The following CDYL2 variants were observed in gnomAD, a reference collection of about 807,000 sequenced individuals.
The protein encoded by CDYL2 is chromodomain Y like 2, also known as chromodomain Y-like protein 2.
Under a neutral mutation model 49.4 loss-of-function variants are expected in CDYL2, and 23 were observed. The ratio of observed to expected loss-of-function variants is 0.47; its 90% confidence interval spans 0.34 to 0.66. The LOEUF (loss-of-function observed/expected upper bound fraction) is 0.66. Ranked by LOEUF, CDYL2 falls within the 30% of genes least tolerant of loss-of-function variation. The pLI is 0.01. For missense variants in CDYL2, 678 were observed against 656.4 expected, an observed-to-expected ratio of 1.03 and a Z score of -0.36; for synonymous variants, 360 against 268.8, an observed-to-expected ratio of 1.34 and a Z score of -3.32.
intron 1 of CDYL2, among the ~76,000 whole-genome samples, chr16:80,685,475 C>G (rs111665860): frequency 6.6e-5 from 10 of 152,296 alleles, no homozygotes; most frequent in African/African-American, 2.2e-4. Flanking sequence ...TTCATTGCAC[C>G]AAAGTAGATG....
chr16:80,754,282 C>T (rs896178655), intron 1 of CDYL2, among the ~76,000 whole-genome samples: 4 of 152,148 alleles, frequency 2.6e-5, no homozygotes, highest in Admixed American at 6.6e-5. Context: ...AGAGGAGCTA[C>T]AACCAACAGG....
At chr16:80,671,028 T>C (rs1909481142) in intron 2 of CDYL2, 2 of 455,652 alleles carry the variant, frequency 4.4e-6, no homozygotes, top group South Asian at 3.1e-5. Flanking sequence ...TCTAGGGTTG[T>C]GACTTTCCTC....
intron 2 of CDYL2, among the ~76,000 whole-genome samples, chr16:80,671,264 G>C (rs377161327): frequency 6.6e-6 from 1 of 152,226 alleles, no homozygotes; most frequent in African/African-American, 2.4e-5. Context: ...GTGGTACAGA[G>C]TTACGGACAA....
At chr16:80,761,566 A>G (rs1408051353) in intron 1 of CDYL2, among the ~76,000 whole-genome samples, 1 of 152,116 alleles carries the variant, frequency 6.6e-6, no homozygotes, top group Non-Finnish European at 1.5e-5. Context: ...GTAGATCAGA[A>G]TCACCTGCGG....
At chr16:80,660,299 T>A (rs964130339) in intron 2 of CDYL2, among the ~76,000 whole-genome samples, 8 of 152,052 alleles carry the variant, frequency 5.3e-5, no homozygotes, top group African/African-American at 2.4e-5. Flanking sequence ...TGGTGTTTAA[T>A]AATGTTGGGT....
At chr16:80,673,565 T>C (rs1478957872) in intron 2 of CDYL2, among the ~76,000 whole-genome samples, 1 of 152,202 alleles carries the variant, frequency 6.6e-6, no homozygotes, top group African/African-American at 2.4e-5. Flanking sequence ...TTAAATGAAA[T>C]AATTTTAATA....
rs9927307 is a variant in CDYL2, at chr16:80,745,967, C to T, written c.24+58183G>A. The stretch of plus-strand genomic sequence containing the variant: ...AGCCCTGTGACTGTCAGGATACCCC[C>T]TCCTGCTATCAATCAGCAAGGCTGC... On this transcript the variant is annotated intron_variant, in intron 1 of 6. Coordinates refer to ENST00000570137, the MANE Select transcript of CDYL2 (RefSeq NM_152342.4). Among the ~76,000 whole-genome samples, 1,213 of 152,332 alleles carry T rather than the reference C, an allele frequency of 8.0e-3. 17 individuals are homozygous for T. Among genetic ancestry groups the T allele is most frequent in the African/African-American group, 0.027 (1,129 of 41,574 alleles).
chr16:80,651,103 A>G (rs1308233917), intron 2 of CDYL2, among the ~76,000 whole-genome samples: 1 of 152,180 alleles, frequency 6.6e-6, no homozygotes, highest in Non-Finnish European at 1.5e-5. Context: ...TAACTAAAAG[A>G]GTGTAACTGG....
intron 1 of CDYL2, among the ~76,000 whole-genome samples, chr16:80,722,193 T>C (rs1186570404): frequency 4.6e-5 from 7 of 151,858 alleles, no homozygotes. Flanking sequence ...TAAATACTGA[T>C]TTAAAAAAAA....
intron 2 of CDYL2, among the ~76,000 whole-genome samples, chr16:80,660,660 C>G (rs892238906): frequency 6.6e-6 from 1 of 152,102 alleles, no homozygotes; most frequent in Non-Finnish European, 1.5e-5. Flanking sequence ...ACATATTAAA[C>G]TCATATTAAA....
chr16:80,785,647 A>G (rs1414896849), intron 1 of CDYL2, among the ~76,000 whole-genome samples: 1 of 152,222 alleles, frequency 6.6e-6, no homozygotes, highest in Non-Finnish European at 1.5e-5. Flanking sequence ...AAGAGCCCGC[A>G]TAGCCAAGAC....
chr16:80,659,769 C>A (rs1908967260), intron 2 of CDYL2, among the ~76,000 whole-genome samples: 1 of 151,634 alleles, frequency 6.6e-6, no homozygotes, highest in South Asian at 2.1e-4. Flanking sequence ...ACATAAATAT[C>A]CTGCAGATAA....
At chr16:80,692,813 T>A (rs1286785595) in intron 1 of CDYL2, among the ~76,000 whole-genome samples, 1 of 152,212 alleles carries the variant, frequency 6.6e-6, no homozygotes, top group Non-Finnish European at 1.5e-5. Flanking sequence ...TAGAGTAACA[T>A]GTTTGTGTAT....
At chr16:80,645,269 C>T (rs1339723934) in intron 2 of CDYL2, among the ~76,000 whole-genome samples, 2 of 152,108 alleles carry the variant, frequency 1.3e-5, no homozygotes, top group Non-Finnish European at 2.9e-5. Context: ...CCAGAATCTA[C>T]AAAGAACTCA....
At chr16:80,691,554 T>C (rs569685529) in intron 1 of CDYL2, among the ~76,000 whole-genome samples, 9 of 152,306 alleles carry the variant, frequency 5.9e-5, no homozygotes, top group African/African-American at 1.9e-4. Context: ...TCCATATCCA[T>C]TCTGCTGGAA....
chr16:80,639,824 A>G (rs749158333), intron 2 of CDYL2: 161 of 428,082 alleles, frequency 3.8e-4, no homozygotes, highest in South Asian at 5.6e-4. Flanking sequence ...GAGTGTAGCA[A>G]TTGTGAGGCA....
chr16:80,734,920 G>T (rs1292755919), intron 1 of CDYL2, among the ~76,000 whole-genome samples: 1 of 152,178 alleles, frequency 6.6e-6, no homozygotes, highest in Non-Finnish European at 1.5e-5. Flanking sequence ...CTATGATGCT[G>T]TTGATGCCCC....
chr16:80,681,172 C>T (rs569243313), intron 2 of CDYL2, among the ~76,000 whole-genome samples: 2 of 152,226 alleles, frequency 1.3e-5, no homozygotes, highest in South Asian at 4.2e-4. Context: ...CAAAGAGAAG[C>T]TAAAACCATA....
Position 80,608,201 on chromosome 16 carries a change from G to A in CDYL2, c.1253C>T (p.Thr418Ile), listed in dbSNP as rs990497273. Residue 418 changes from threonine (T) to isoleucine (I), a missense_variant, in exon 6 of 7, where the codon ACC (threonine) becomes ATC (isoleucine). By Grantham distance (89) the Thr-to-Ile change is moderately conservative. Coordinates refer to ENST00000570137, the MANE Select transcript of CDYL2 (RefSeq NM_152342.4). Reference sequence around the variant, plus strand: ...CCCCCTGCTGCAGGCCTCCTGGGCGGTGAGCTTCCGCCCACAGAACAGCAT... The same window carrying A: ...CCCCCTGCTGCAGGCCTCCTGGGCGATGAGCTTCCGCCCACAGAACAGCAT... ...NEMLFCGRKL[T>I]AQEACSRGLV... 6.3e-7 allele frequency: 1 copy of A among 1,592,062 alleles called. No individual in the cohort carries two copies. Among genetic ancestry groups the A allele is most frequent in the Non-Finnish European group, 8.6e-7 (1 of 1,168,834 alleles).
Sources: gnomAD v4.1 joint callset for allele counts (sites outside exome capture counted in the v4.1 genomes callset) on GRCh38, gnomAD v4.1.1 for gene constraint, MANE v1.5 for transcripts, NCBI Gene and HGNC (gene_info 2026-07-23, HGNC 2026-07-21) for gene names.